LMO7: variants seen among roughly 807,000 people sequenced by gnomAD.
The protein encoded by LMO7 is LIM domain only protein 7.
In LMO7, 120 loss-of-function variants were observed where a neutral mutation model predicts 206.5. The observed-to-expected ratio is 0.58, with a 90% CI of 0.50 to 0.68. LMO7 has a LOEUF of 0.68. Ranked by LOEUF, LMO7 falls within the 30% of genes least tolerant of loss-of-function variation. The pLI is 0.00. For missense variants in LMO7, 1,959 were observed against 1,957.9 expected (o/e 1.00, Z -0.01); for synonymous variants, 706 against 681.5 (o/e 1.04, Z -0.56).
chr13:75,783,945 C>G (rs2051975287), intron 4 of LMO7, among the ~76,000 whole-genome samples: 1 of 152,172 alleles, frequency 6.6e-6, no homozygotes, highest in Admixed American at 6.5e-5. Flanking sequence ...CTGGGAACCT[C>G]AAGTCTGCTT....
intron 1 of LMO7, chr13:75,623,204 G>T (rs1368729900): frequency 3.8e-6 from 3 of 781,406 alleles, no homozygotes; most frequent in Non-Finnish European, 6.6e-6. Context: ...ATAAATATTT[G>T]TTGATTACTT....
intron 3 of LMO7, among the ~76,000 whole-genome samples, chr13:75,728,646 A>T (rs1257761143): frequency 1.4e-5 from 2 of 138,266 alleles, no homozygotes; most frequent in African/African-American, 2.9e-5. Flanking sequence ...CCCATTTGTC[A>T]ATTTTGGCTT....
chr13:75,691,257 A>G (rs549197234), intron 1 of LMO7, among the ~76,000 whole-genome samples: 6 of 152,346 alleles, frequency 3.9e-5, no homozygotes, highest in African/African-American at 9.6e-5. Flanking sequence ...TTATAGACCA[A>G]TGACCTAATA....
At chr13:75,698,807 AAAC>A (rs1190854718) in intron 1 of LMO7, among the ~76,000 whole-genome samples, 1 of 152,148 alleles carries the variant, frequency 6.6e-6, no homozygotes, top group Non-Finnish European at 1.5e-5. Flanking sequence ...TTTTTTAAAA[AAAC>A]ATTTATTGAG....
At chr13:75,833,532 T>C (rs9573665) in intron 16 of LMO7, among the ~76,000 whole-genome samples, 16,642 of 152,082 alleles carry the variant, frequency 0.11, 1,059 homozygotes, top group Middle Eastern at 0.2. Flanking sequence ...ATTTAATAAG[T>C]TGATTTTTTT....
At chr13:75,805,425 T>C in intron 8 of LMO7, 54 bp from the exon 9 acceptor site, 2 of 1,543,056 alleles carry the variant, frequency 1.3e-6, no homozygotes, top group Middle Eastern at 3.5e-4. Flanking sequence ...GCCATTTGTG[T>C]TCTGTGTCAC....
chr13:75,630,520 A>G (rs1404961026), intron 2 of LMO7, among the ~76,000 whole-genome samples: 1 of 152,172 alleles, frequency 6.6e-6, no homozygotes, highest in African/African-American at 2.4e-5. Flanking sequence ...AAAAAATACA[A>G]AAATTACACC....
chr13:75,805,757 TC>T lies in LMO7; in HGVS notation c.1194del (p.Phe398LeufsTer35). The T allele has an allele frequency of 1.2e-6, 2 of 1,613,278 alleles. No homozygotes were observed. The highest frequency in any genetic ancestry group is 1.7e-6 in the Non-Finnish European group (2 of 1,179,496). On this transcript the variant is annotated frameshift_variant and splice_region_variant, in exon 9 of 31. Coordinates refer to ENST00000377534, the MANE Select transcript of LMO7 (RefSeq NM_001306080.2). LOFTEE classifies it high-confidence loss of function. ...YKPWYKEFQG[F>X]SQFLLLQALQ... ...CCATGGTATAAAGAATTTCAGGGAT[TC>T]AGGTTTGTCGTTGTGCATGTTTCTG... is the stretch of plus-strand genomic sequence containing the variant.
intron 4 of LMO7, 49 bp downstream of exon 4, chr13:75,761,087 G>T: frequency 8.5e-7 from 1 of 1,173,074 alleles, no homozygotes. Flanking sequence ...TTAAACTTAG[G>T]GCTTGTAGCT....
intron 1 of LMO7, among the ~76,000 whole-genome samples, chr13:75,686,059 A>T (rs1431574183): frequency 6.6e-6 from 1 of 151,898 alleles, no homozygotes; most frequent in Non-Finnish European, 1.5e-5. Flanking sequence ...AAAATTTTTC[A>T]GTAGAGACGT....
chr13:75,682,541 T>C (rs1184893515), intron 1 of LMO7, among the ~76,000 whole-genome samples: 1 of 152,152 alleles, frequency 6.6e-6, no homozygotes, highest in African/African-American at 2.4e-5. Context: ...GGCTTTCTTA[T>C]CAGGTTGCCC....
At chr13:75,684,108 A>G (rs928956616) in intron 1 of LMO7, among the ~76,000 whole-genome samples, 2 of 152,140 alleles carry the variant, frequency 1.3e-5, no homozygotes, top group African/African-American at 4.8e-5. Flanking sequence ...CTCGTTTTTC[A>G]GGTTAACTTT....
rs370548788 is a variant in LMO7, at chr13:75,792,231, G to A, written c.318-3170G>A. On this transcript the variant is annotated intron_variant, in intron 4 of 30. Transcript: ENST00000377534. ...GATCCTCCCATCTTGGTGTTCCAAAGTGCTGGGATTACAGGAATGAGCCAC... is the reference window on the plus strand; with the variant it reads ...GATCCTCCCATCTTGGTGTTCCAAAATGCTGGGATTACAGGAATGAGCCAC... Among the ~76,000 whole-genome samples the A allele has an allele frequency of 7.2e-5, 11 of 152,274 alleles. No individual in the cohort carries two copies. In the East Asian group the frequency reaches 2.1e-3, roughly 29 times the overall value.
intron 17 of LMO7, 138 bp downstream of exon 17, chr13:75,834,525 G>GA: frequency 1.7e-6 from 1 of 586,386 alleles, no homozygotes; most frequent in East Asian, 3.0e-5. Context: ...GTTACGTCAT[G>GA]ACAAATCTTG....
intron 4 of LMO7, among the ~76,000 whole-genome samples, chr13:75,787,986 G>A (rs183792427): frequency 2.6e-5 from 4 of 152,272 alleles, no homozygotes; most frequent in East Asian, 1.9e-4. Flanking sequence ...TAAATAGTGC[G>A]ATGGATGAGC....
intron 3 of LMO7, among the ~76,000 whole-genome samples, chr13:75,731,993 C>T (rs182120809): frequency 3.3e-4 from 51 of 152,294 alleles, no homozygotes; most frequent in African/African-American, 8.2e-4. Flanking sequence ...CTGACAGATC[C>T]GCTGTTAGTC....
intron 1 of LMO7, among the ~76,000 whole-genome samples, chr13:75,655,263 C>T (rs974202255): frequency 4.6e-5 from 7 of 152,126 alleles, no homozygotes; most frequent in Admixed American, 3.9e-4. Flanking sequence ...TTTCAGATTG[C>T]GGAGCTTGTC....
upstream of LMO7, among the ~76,000 whole-genome samples, chr13:75,635,445 C>T (rs2035659837): frequency 6.6e-6 from 1 of 152,248 alleles, no homozygotes; most frequent in Non-Finnish European, 1.5e-5. Context: ...CGCCCCCAAC[C>T]CCCCGGCCCT....
intron 1 of LMO7, among the ~76,000 whole-genome samples, chr13:75,683,885 C>A (rs752246094): frequency 6.6e-6 from 1 of 152,042 alleles, no homozygotes; most frequent in Non-Finnish European, 1.5e-5. Flanking sequence ...AAAAGGAATG[C>A]CTGAATGATG....
Sources: gnomAD v4.1 joint callset for allele counts (sites outside exome capture counted in the v4.1 genomes callset) on GRCh38, gnomAD v4.1.1 for gene constraint, MANE v1.5 for transcripts, NCBI Gene and HGNC (gene_info 2026-07-23, HGNC 2026-07-21) for gene names.